The following ZNF385D variants were observed in gnomAD, a reference collection of about 807,000 sequenced individuals.
ZNF385D encodes the protein zinc finger protein 385D.
Under a neutral mutation model 35.8 loss-of-function variants are expected in ZNF385D, and 15 were observed. The ratio of observed to expected loss-of-function variants is 0.42; its 90% confidence interval spans 0.28 to 0.64. The LOEUF (loss-of-function observed/expected upper bound fraction) is 0.64, where lower values mean the gene tolerates loss of function less well. Among genes scored for constraint, ZNF385D ranks in the 30% least tolerant of loss-of-function variants. ZNF385D has a pLI of 0.23. For synonymous variants in ZNF385D, 212 were observed against 186.8 expected, an observed-to-expected ratio of 1.13 and a Z score of -1.10; for missense variants, 474 against 494.6, an observed-to-expected ratio of 0.96 and a Z score of 0.39.
chr3:22,145,207 A>T (rs1704777240), intron 3 of ZNF385D, among the ~76,000 whole-genome samples: 1 of 152,202 alleles, frequency 6.6e-6, no homozygotes, highest in Non-Finnish European at 1.5e-5. Flanking sequence ...CTTTATGGAT[A>T]TGTTCTCTCT....
At chr3:21,497,660 G>C (rs1254239968) in intron 4 of ZNF385D, among the ~76,000 whole-genome samples, 1 of 151,870 alleles carries the variant, frequency 6.6e-6, no homozygotes, top group East Asian at 1.9e-4. Flanking sequence ...ACCAGCCTGG[G>C]CAATATGGCA....
intron 3 of ZNF385D, among the ~76,000 whole-genome samples, chr3:22,080,318 C>G (rs1700682795): frequency 6.6e-6 from 1 of 152,098 alleles, no homozygotes. Context: ...GCATAAATGA[C>G]AGTCATCTAT....
chr3:22,194,579 T>C (rs1696279239), intron 2 of ZNF385D, among the ~76,000 whole-genome samples: 1 of 151,996 alleles, frequency 6.6e-6, no homozygotes, highest in Non-Finnish European at 1.5e-5. Flanking sequence ...TTTTAACATA[T>C]ATTTAAATTT....
At chr3:22,278,903 T>C (rs1454956041) in intron 2 of ZNF385D, among the ~76,000 whole-genome samples, 8 of 152,078 alleles carry the variant, frequency 5.3e-5, no homozygotes, top group Non-Finnish European at 1.2e-4. Flanking sequence ...AAATGCTACC[T>C]GCAGTTTTCT....
At chr3:22,309,169 A>G (rs1435765096) in intron 2 of ZNF385D, among the ~76,000 whole-genome samples, 1 of 152,106 alleles carries the variant, frequency 6.6e-6, no homozygotes, top group African/African-American at 2.4e-5. Flanking sequence ...GCTATTCACC[A>G]TTTTGAAAAA....
At chr3:22,105,091 G>T (rs189465492) in intron 3 of ZNF385D, among the ~76,000 whole-genome samples, 1 of 152,080 alleles carries the variant, frequency 6.6e-6, no homozygotes, top group African/African-American at 2.4e-5. Context: ...AGATTTAGGG[G>T]CCAAGATAAG....
intron 2 of ZNF385D, among the ~76,000 whole-genome samples, chr3:22,207,325 G>A (rs775430374): frequency 6.6e-6 from 1 of 151,798 alleles, no homozygotes; most frequent in South Asian, 2.1e-4. Context: ...GGTGTCAAGA[G>A]CATATTACAC....
In ZNF385D at chr3:22,157,358, A is replaced by C. The variant is rs569143428; in HGVS notation, c.325+11459T>G. 2.0e-4 allele frequency among the ~76,000 whole-genome samples: 30 copies of C among 152,260 alleles called. 1 individual carries two copies. In the South Asian group the frequency reaches 6.2e-3, roughly 32 times the overall value. ...ATGTTACTCATCATTTATATTTTTGATACCTTTATTATCTGCTTAGCAGAC... is the reference window on the plus strand; with the variant it reads ...ATGTTACTCATCATTTATATTTTTGCTACCTTTATTATCTGCTTAGCAGAC... On this transcript the variant is annotated intron_variant, in intron 3 of 5. Coordinates refer to the ZNF385D transcript ENST00000494108.
At position 22,068,809 on chromosome 3, in the gene ZNF385D, C is replaced by T. The variant is rs145727457; in HGVS notation, c.325+100008G>A. Among the ~76,000 whole-genome samples, 232 of 152,328 alleles carry T rather than the reference C, an allele frequency of 1.5e-3. 1 individual carries two copies. Among genetic ancestry groups the T allele is most frequent in the African/African-American group, 5.2e-3 (217 of 41,574 alleles). On this transcript the variant is annotated intron_variant, in intron 3 of 5. Transcript: ENST00000494108. ...TACATTAATATTGGCATATGCACAA[C>T]TGTGAAGAAAATGCTTCTAGCAACA...
intron 2 of ZNF385D, among the ~76,000 whole-genome samples, chr3:22,370,690 A>T (rs773490023): frequency 6.6e-6 from 1 of 152,214 alleles, no homozygotes; most frequent in East Asian, 1.9e-4. Context: ...ACTTTTCCCA[A>T]TTTAACATCT....
At chr3:22,073,788 C>T (rs2125567741) in intron 3 of ZNF385D, among the ~76,000 whole-genome samples, 1 of 151,928 alleles carries the variant, frequency 6.6e-6, no homozygotes, top group East Asian at 1.9e-4. Context: ...TAGGTAAAAG[C>T]ATACTATTTT....
chr3:22,015,877 G>C (rs1426558100), intron 3 of ZNF385D, among the ~76,000 whole-genome samples: 1 of 152,072 alleles, frequency 6.6e-6, no homozygotes, highest in African/African-American at 2.4e-5. Context: ...CTGCAAGATG[G>C]CACCTTGGAC....
At chr3:21,821,970 A>AAC in intron 3 of ZNF385D, among the ~76,000 whole-genome samples, 1 of 151,742 alleles carries the variant, frequency 6.6e-6, no homozygotes, top group East Asian at 1.9e-4. Flanking sequence ...TGTCTCAAAA[A>AAC]AAAAAAAAAA....
chr3:21,637,182 T>C (rs1219156793), intron 2 of ZNF385D, among the ~76,000 whole-genome samples: 1 of 152,098 alleles, frequency 6.6e-6, no homozygotes, highest in Non-Finnish European at 1.5e-5. Context: ...CCTAAGCCAA[T>C]GTCTAGAAGG....
intron 3 of ZNF385D, among the ~76,000 whole-genome samples, chr3:22,033,186 G>A (rs1576193040): frequency 6.6e-6 from 1 of 152,120 alleles, no homozygotes; most frequent in Admixed American, 6.5e-5. Context: ...TCGATAGCTT[G>A]AGCTCAGGCA....
intron 3 of ZNF385D, among the ~76,000 whole-genome samples, chr3:21,548,703 G>A (rs2062464835): frequency 6.6e-6 from 1 of 152,174 alleles, no homozygotes; most frequent in Non-Finnish European, 1.5e-5. Flanking sequence ...TGTATTGTGT[G>A]CAGAACTTAA....
upstream of ZNF385D, among the ~76,000 whole-genome samples, chr3:21,752,824 G>A (rs762179025): frequency 1.3e-5 from 2 of 152,098 alleles, no homozygotes; most frequent in Non-Finnish European, 1.5e-5. Context: ...ATGCGTAAAT[G>A]TTTTTTCCTT....
chr3:22,204,550 T>C (rs57766582), intron 2 of ZNF385D, among the ~76,000 whole-genome samples: 4,363 of 151,766 alleles, frequency 0.029, 223 homozygotes, highest in African/African-American at 0.1. Context: ...GAGACAGAAA[T>C]ATGTGACCTT....
At chr3:22,031,538 G>C (rs980826799) in intron 3 of ZNF385D, among the ~76,000 whole-genome samples, 1 of 152,150 alleles carries the variant, frequency 6.6e-6, no homozygotes, top group African/African-American at 2.4e-5. Flanking sequence ...GAGTTGGAGC[G>C]GCTGAGATGC....
Sources: allele counts gnomAD v4.1 joint callset (sites outside exome capture counted in the v4.1 genomes callset), GRCh38; gene constraint gnomAD v4.1.1; transcripts MANE v1.5; gene names NCBI Gene and HGNC (gene_info 2026-07-23, HGNC 2026-07-21).